PCDHGA2: variants seen among roughly 807,000 people sequenced by gnomAD.
PCDHGA2 encodes the protein protocadherin gamma-A2.
A neutral mutation model predicts 59.2 loss-of-function variants in PCDHGA2; 40 were observed. The observed-to-expected ratio is 0.68, with a 90% confidence interval of 0.52 to 0.88. The LOEUF is 0.88. PCDHGA2 is among the 40% of genes least tolerant of loss of function. The probability of loss-of-function intolerance (pLI) is 0.00; values close to 1 mark genes in which losing one functional copy is unlikely to be tolerated. For missense variants in PCDHGA2, 1,226 were observed against 1,204.0 expected (o/e 1.02, Z -0.27); for synonymous variants, 560 against 526.0 (o/e 1.06, Z -0.89).
At chr5:141,448,990 T>C (rs1419678645) in intron 1 of PCDHGA2, among the ~76,000 whole-genome samples, 1 of 152,070 alleles carries the variant, frequency 6.6e-6, no homozygotes, top group Non-Finnish European at 1.5e-5. Flanking sequence ...TATTAATATA[T>C]AGAAAGCTGT....
At chr5:141,350,680 T>C in intron 1 of PCDHGA2, 1 of 1,614,030 alleles carries the variant, frequency 6.2e-7, no homozygotes, top group East Asian at 2.2e-5. Flanking sequence ...TAGAAATTTG[T>C]GAGTCAGCCT....
At chr5:141,373,805 G>T in intron 1 of PCDHGA2, 1 of 337,732 alleles carries the variant, frequency 3.0e-6, no homozygotes, top group Non-Finnish European at 5.3e-6. Context: ...TCCTCTGTGT[G>T]ATAGTTTCAC....
chr5:141,419,699 C>A (rs1488905080), intron 1 of PCDHGA2: 1 of 1,612,924 alleles, frequency 6.2e-7, no homozygotes. Context: ...GGCCAGTGAG[C>A]CCGGGCTCTT....
At chr5:141,443,853 A>G (rs929370798) in intron 1 of PCDHGA2, among the ~76,000 whole-genome samples, 3 of 152,230 alleles carry the variant, frequency 2.0e-5, no homozygotes, top group African/African-American at 7.2e-5. Flanking sequence ...GGAAAGTCTG[A>G]AAACTGAAAA....
intron 1 of PCDHGA2, chr5:141,404,766 C>T (rs1489047184): frequency 6.2e-7 from 1 of 1,613,940 alleles, no homozygotes; most frequent in East Asian, 2.2e-5. Flanking sequence ...GCTTGGCTCT[C>T]CTACCGCCTA....
rs70988800 is a variant in PCDHGA2 at position 141,379,889 on chromosome 5, C to CTTTTTTTTTTTTTTTTTTTTTTTT, written c.2424+38501_2424+38524dup. Among the ~76,000 whole-genome samples, 49 of 50,830 alleles carry CTTTTTTTTTTTTTTTTTTTTTTTT rather than the reference C, an allele frequency of 9.6e-4. 5 individuals are homozygous for CTTTTTTTTTTTTTTTTTTTTTTTT. The highest frequency in any genetic ancestry group is 1.6e-3 in the Non-Finnish European group (41 of 25,880). 33.3% of individuals were successfully genotyped at this position (50,830 alleles called of 152,430 possible). ...CTTATTTTATGGTCTGTGAAAGCCT[C>CTTTTTTTTTTTTTTTTTTTTTTTT]TTTTTTTTTTTTTTTTTTTTTTTTT... On this transcript the variant is annotated intron_variant, in intron 1 of 3. Coordinates refer to ENST00000394576, the MANE Select transcript of PCDHGA2 (RefSeq NM_018915.4).
At chr5:141,343,726 A>G (rs1161071565) in intron 1 of PCDHGA2, 1 of 251,022 alleles carries the variant, frequency 4.0e-6, no homozygotes, top group African/African-American at 2.2e-5. Flanking sequence ...ATCTTGGATA[A>G]TTCAAAAATA....
At chr5:141,395,196 G>T (rs1431851304) in intron 1 of PCDHGA2, 1 of 1,613,948 alleles carries the variant, frequency 6.2e-7, no homozygotes, top group Non-Finnish European at 8.5e-7. Context: ...GTTAACATCC[G>T]TAGATTTTCA....
At chr5:141,342,148 T>C (rs368895772) in intron 1 of PCDHGA2, 18 of 152,294 alleles carry the variant, frequency 1.2e-4, no homozygotes, top group African/African-American at 4.3e-4. Flanking sequence ...AACCATACTG[T>C]ATTTTAATCT....
rs748428255 is a variant in PCDHGA2 at position 141,345,028 on chromosome 5, A to G, written c.2424+3633A>G. The G allele has an allele frequency of 5.6e-6, 9 of 1,614,052 alleles. No individual in the cohort carries two copies. In the South Asian group the frequency reaches 6.6e-5, roughly 12 times the overall value. On this transcript the variant is annotated intron_variant, in intron 1 of 3. Coordinates refer to ENST00000394576, the MANE Select transcript of PCDHGA2 (RefSeq NM_018915.4). ...GGACCAGGTCTTCTTTCAAGAGCCA[A>G]GATTCTAGTCACGGTTCTGGATGTG...
chr5:141,508,935 A>T (rs180987868), intron 3 of PCDHGA2, among the ~76,000 whole-genome samples: 2 of 152,118 alleles, frequency 1.3e-5, no homozygotes, highest in Non-Finnish European at 2.9e-5. Context: ...GGAGTTAATT[A>T]GGGAAAACAG....
chr5:141,392,641 C>A, intron 1 of PCDHGA2: 2 of 655,502 alleles, frequency 3.1e-6, no homozygotes, highest in East Asian at 5.8e-5. Flanking sequence ...TCACACCTCA[C>A]GAAGACCCGC....
rs1229102140 is a variant in PCDHGA2, at chr5:141,351,416, G to T, written c.2424+10021G>T. On this transcript the variant is annotated intron_variant, in intron 1 of 3. Coordinates refer to ENST00000394576, the MANE Select transcript of PCDHGA2 (RefSeq NM_018915.4). ...GGTGACATGCTATACTCAGGAAGAA[G>T]TTCCTTTCAAATTAGAATCCACCTC... is the stretch of plus-strand genomic sequence containing the variant. The T allele has an allele frequency of 1.9e-6, 3 of 1,611,528 alleles. No individual in the cohort carries two copies. In the Admixed American group the frequency reaches 5.0e-5, roughly 27 times the overall value.
Position 141,487,399 on chromosome 5 carries a change from G to A in PCDHGA2, c.2425-7408G>A. 1.2e-6 allele frequency: 2 copies of A among 1,614,140 alleles called. No homozygotes were observed. Among genetic ancestry groups the A allele is most frequent in the South Asian group, 1.1e-5 (1 of 91,088 alleles). On this transcript the variant is annotated intron_variant, in intron 1 of 3. Coordinates refer to ENST00000394576, the MANE Select transcript of PCDHGA2 (RefSeq NM_018915.4). The surrounding 1 kb of genome is among the most constrained non-coding windows in gnomAD (Gnocchi z 5.0). ...TCACCAGATCTCGAAGGAGGGAGGGGCTTCCCCCTTCCAATGGGATCCTCC... is the reference window on the plus strand; with the variant it reads ...TCACCAGATCTCGAAGGAGGGAGGGACTTCCCCCTTCCAATGGGATCCTCC...
chr5:141,383,951 C>G lies in PCDHGA2; in HGVS notation c.2424+42556C>G, dbSNP rs1365918560. 5 of 1,613,676 alleles carry G rather than the reference C, an allele frequency of 3.1e-6. No homozygotes were observed. In the African/African-American group the frequency reaches 6.7e-5, roughly 22 times the overall value. On this transcript the variant is annotated intron_variant, in intron 1 of 3. Transcript: ENST00000394576. ...AATGCTCCAGAAGTGACTATGACGT[C>G]TTTAAGTAGCTCAATCCCTGAAGAC...
At chr5:141,422,588 C>A in intron 1 of PCDHGA2, 1 of 1,614,056 alleles carries the variant, frequency 6.2e-7, no homozygotes, top group South Asian at 1.1e-5. Flanking sequence ...CCCGTTTTTC[C>A]TCACTCCTCT....
chr5:141,403,088 G>C (rs1561685667), intron 1 of PCDHGA2: 2 of 1,614,030 alleles, frequency 1.2e-6, no homozygotes, highest in Non-Finnish European at 1.7e-6. Context: ...CTATATTGTG[G>C]GCAACATCTC....
Position 141,486,314 on chromosome 5 carries a change from T to C in PCDHGA2, c.2425-8493T>C, listed in dbSNP as rs775833520. The C allele has an allele frequency of 4.5e-5, 72 of 1,613,758 alleles. No homozygotes were observed. The highest frequency in any genetic ancestry group is 5.9e-5 in the Non-Finnish European group (70 of 1,179,984). On this transcript the variant is annotated intron_variant, in intron 1 of 3. Transcript: ENST00000394576. This position sits in a 1 kb window ranked among gnomAD's most constrained non-coding sequence, Gnocchi z 5.0. ...CAGTGTGCAGGATCCAGACTCAGGG[T>C]CAAACGGAGATGTGAGCCTCCGCAT...
At chr5:141,389,832 C>A in intron 1 of PCDHGA2, 3 of 1,613,966 alleles carry the variant, frequency 1.9e-6, no homozygotes, top group Non-Finnish European at 2.5e-6. Flanking sequence ...CGGTGGACAG[C>A]CACCACTCTC....
Sources: gnomAD v4.1 joint callset for allele counts (sites outside exome capture counted in the v4.1 genomes callset) on GRCh38, gnomAD v4.1.1 for gene constraint, Gnocchi (gnomAD v3.1) non-coding constraint, MANE v1.5 for transcripts, NCBI Gene and HGNC (gene_info 2026-07-23, HGNC 2026-07-21) for gene names.